Variants in ZBTB20 observed in about 807,000 individuals in gnomAD.
The protein encoded by ZBTB20 is zinc finger and BTB domain-containing protein 20.
Under a neutral mutation model 56.9 loss-of-function variants are expected in ZBTB20, and 9 were observed. The observed-to-expected ratio is 0.16, with a 90% CI of 0.10 to 0.28. The LOEUF (loss-of-function observed/expected upper bound fraction) is 0.28, where lower values mean the gene tolerates loss of function less well. Among genes scored for constraint, ZBTB20 ranks in the 10% least tolerant of loss-of-function variants. The pLI is 1.00. For synonymous variants in ZBTB20, 417 were observed against 420.7 expected (o/e 0.99, Z 0.11); for missense variants, 655 against 1,003.0 (o/e 0.65, Z 4.69).
intron 7 of ZBTB20, among the ~76,000 whole-genome samples, chr3:114,485,351 C>T (rs913149642): frequency 4.6e-5 from 7 of 152,088 alleles, no homozygotes; most frequent in Non-Finnish European, 1.0e-4. Context: ...GTGGCTAGTG[C>T]AGTTAAGGTG....
At chr3:114,431,060 C>G (rs1344051368) in intron 7 of ZBTB20, among the ~76,000 whole-genome samples, 1 of 152,202 alleles carries the variant, frequency 6.6e-6, no homozygotes, top group Non-Finnish European at 1.5e-5. Flanking sequence ...GCCCCTCCAT[C>G]CACACAAACA....
chr3:114,622,963 C>T (rs1257039159), intron 6 of ZBTB20, among the ~76,000 whole-genome samples: 1 of 152,196 alleles, frequency 6.6e-6, no homozygotes, highest in Non-Finnish European at 1.5e-5. Flanking sequence ...ATCAAAGACT[C>T]CCCCTCTTTC....
chr3:114,623,621 T>A (rs1156349051), intron 6 of ZBTB20, among the ~76,000 whole-genome samples: 3 of 152,204 alleles, frequency 2.0e-5, no homozygotes, highest in Admixed American at 6.5e-5. Context: ...TTAGCAAGAA[T>A]GTTTGCTCTA....
intron 7 of ZBTB20, among the ~76,000 whole-genome samples, chr3:114,410,732 G>A (rs1293290432): frequency 6.6e-6 from 1 of 152,144 alleles, no homozygotes; most frequent in Admixed American, 6.6e-5. Flanking sequence ...AAGAAATCAG[G>A]GATTAAATAC....
intron 3 of ZBTB20, among the ~76,000 whole-genome samples, chr3:114,949,117 C>T (rs2076980402): frequency 6.9e-6 from 1 of 145,944 alleles, no homozygotes; most frequent in Non-Finnish European, 1.5e-5. Flanking sequence ...GAAATATGTC[C>T]ATGAATATGT....
intron 1 of ZBTB20, among the ~76,000 whole-genome samples, chr3:115,118,151 C>A (rs1389984561): frequency 6.6e-6 from 1 of 152,112 alleles, no homozygotes; most frequent in Non-Finnish European, 1.5e-5. Context: ...ACCTTTCTTC[C>A]CAAACCAGAA....
At chr3:114,912,876 T>C (rs1016586336) in intron 3 of ZBTB20, among the ~76,000 whole-genome samples, 1 of 151,994 alleles carries the variant, frequency 6.6e-6, no homozygotes, top group Non-Finnish European at 1.5e-5. Context: ...TTTGTCTTTC[T>C]GTGCCTCACT....
intron 8 of ZBTB20, among the ~76,000 whole-genome samples, chr3:114,382,203 C>T (rs1245451283): frequency 6.6e-6 from 1 of 152,182 alleles, no homozygotes; most frequent in South Asian, 2.1e-4. Context: ...CATATTTTTT[C>T]TCACATCTGT....
intron 1 of ZBTB20, among the ~76,000 whole-genome samples, chr3:115,117,952 G>A (rs1328053776): frequency 6.6e-6 from 1 of 152,110 alleles, no homozygotes; most frequent in East Asian, 1.9e-4. Flanking sequence ...TAGAAAGAAC[G>A]TGGCTTTTAA....
rs2079036021 is a variant in ZBTB20 at position 114,325,542 on chromosome 3, A to G, written c.*13463T>C. 1 of 152,190 alleles carries G rather than the reference A, an allele frequency of 6.6e-6. No individual in the cohort carries two copies. The highest frequency in any genetic ancestry group is 2.1e-4 in the South Asian group (1 of 4,826). 9.4% of individuals were successfully genotyped at this position (152,190 alleles called of 1,614,324 possible). On this transcript the variant is annotated 3_prime_UTR_variant, in exon 12 of 12. Coordinates refer to ENST00000675478, the MANE Select transcript of ZBTB20 (RefSeq NM_001348800.3). ...CATGAAGAGAAATCTTTAATCACAA[A>G]GAAGTATAGTTAACTTACTAATTCT...
chr3:114,742,238 G>A (rs943328460), intron 5 of ZBTB20, among the ~76,000 whole-genome samples: 6 of 152,078 alleles, frequency 3.9e-5, no homozygotes, highest in African/African-American at 1.4e-4. Flanking sequence ...GTATTTATTG[G>A]TAAAATATCA....
intron 4 of ZBTB20, among the ~76,000 whole-genome samples, chr3:114,851,302 A>G (rs892939129): frequency 4.6e-5 from 7 of 152,254 alleles, no homozygotes; most frequent in Admixed American, 2.6e-4. Flanking sequence ...TTATTCATTT[A>G]GTAGATACAC....
Position 114,626,909 on chromosome 3 carries a change from C to A in ZBTB20, c.-295+66619G>T, listed in dbSNP as rs72954504. 6.7e-3 allele frequency among the ~76,000 whole-genome samples: 1,025 copies of A among 152,332 alleles called. 19 individuals are homozygous for A. The highest frequency in any genetic ancestry group is 0.024 in the African/African-American group (991 of 41,560). On this transcript the variant is annotated intron_variant, in intron 6 of 11. Transcript: ENST00000675478. ...CTGGCTGATGAATGCTGACACCCAG[C>A]AGTGATTACTGTGTAACACAATTCC...
At chr3:114,503,128 A>T (rs2044196516) in intron 6 of ZBTB20, among the ~76,000 whole-genome samples, 1 of 152,192 alleles carries the variant, frequency 6.6e-6, no homozygotes, top group Non-Finnish European at 1.5e-5. Flanking sequence ...TGACTAACAC[A>T]TCCAATGTCT....
intron 3 of ZBTB20, among the ~76,000 whole-genome samples, chr3:114,952,590 A>C (rs569448239): frequency 1.3e-5 from 2 of 150,804 alleles, no homozygotes; most frequent in East Asian, 3.9e-4. Flanking sequence ...GCAAACCCCA[A>C]ACAGAAAAAA....
At chr3:114,361,309 A>T (rs1247313926) in intron 10 of ZBTB20, among the ~76,000 whole-genome samples, 1 of 152,130 alleles carries the variant, frequency 6.6e-6, no homozygotes, top group Non-Finnish European at 1.5e-5. Flanking sequence ...TTCTCTCCTC[A>T]CCAATTCTTA....
At chr3:114,722,516 G>T (rs1441030734) in intron 5 of ZBTB20, among the ~76,000 whole-genome samples, 1 of 152,196 alleles carries the variant, frequency 6.6e-6, no homozygotes, top group Non-Finnish European at 1.5e-5. Context: ...CTGAAGAAGA[G>T]ATTTTAATTG....
chr3:114,977,515 C>T (rs1307408631), intron 2 of ZBTB20, among the ~76,000 whole-genome samples: 1 of 152,008 alleles, frequency 6.6e-6, no homozygotes, highest in Non-Finnish European at 1.5e-5. Flanking sequence ...TAGAAGAGGC[C>T]AGGGGAACTT....
At chr3:115,116,667 AT>A (rs2084028205) in intron 1 of ZBTB20, among the ~76,000 whole-genome samples, 1 of 152,058 alleles carries the variant, frequency 6.6e-6, no homozygotes, top group Non-Finnish European at 1.5e-5. Flanking sequence ...CACAATGAGC[AT>A]TTGATAAATA....
Sources: allele counts gnomAD v4.1 joint callset (sites outside exome capture counted in the v4.1 genomes callset), GRCh38; gene constraint gnomAD v4.1.1; transcripts MANE v1.5; gene names NCBI Gene and HGNC (gene_info 2026-07-23, HGNC 2026-07-21).